Variants in NPEPPS observed in about 807,000 individuals in gnomAD.
NPEPPS encodes aminopeptidase puromycin sensitive, also known as puromycin-sensitive aminopeptidase.
A neutral mutation model predicts 115.5 loss-of-function variants in NPEPPS; 14 were observed. The observed-to-expected ratio is 0.12, with a 90% CI of 0.08 to 0.19. NPEPPS has a LOEUF of 0.19. Among genes scored for constraint, NPEPPS ranks in the 10% least tolerant of loss-of-function variants. The probability of loss-of-function intolerance (pLI) is 1.00; values close to 1 mark genes in which losing one functional copy is unlikely to be tolerated. For synonymous variants in NPEPPS, 285 were observed against 390.6 expected, an observed-to-expected ratio of 0.73 and a Z score of 3.19; for missense variants, 523 against 1,110.8, an observed-to-expected ratio of 0.47 and a Z score of 7.52.
intron 1 of NPEPPS, among the ~76,000 whole-genome samples, chr17:47,534,138 C>CT (rs899009685): frequency 8.3e-4 from 126 of 151,980 alleles, no homozygotes; most frequent in Admixed American, 1.1e-3. Context: ...GTCGCCCAGG[C>CT]TGGAGTGCAG....
chr17:47,586,983 T>C, intron 8 of NPEPPS: 1 of 417,340 alleles, frequency 2.4e-6, no homozygotes, highest in Non-Finnish European at 4.4e-6. Flanking sequence ...TTCCCAAAAT[T>C]TCAGGCAGCT....
intron 4 of NPEPPS, chr17:47,581,247 A>G (rs1597859412): frequency 6.6e-6 from 1 of 152,186 alleles, no homozygotes; most frequent in East Asian, 1.9e-4. Context: ...CGAAAATTAA[A>G]CTGTTTTTTA....
At position 47,601,730 on chromosome 17, in the gene NPEPPS, C is replaced by T. The variant is rs1042924116; in HGVS notation, c.1723C>T (p.Pro575Ser). 2.5e-6 allele frequency: 4 copies of T among 1,613,416 alleles called. No individual in the cohort carries two copies. The highest frequency in any genetic ancestry group is 1.7e-4 in the Middle Eastern group (1 of 6,056). The change falls in exon 15 of 23, where the codon CCA becomes TCA. Residue 575 changes from proline (P) to serine (S), a missense_variant. Around this residue, in one of 4 missense-constraint regions of NPEPPS, gnomAD observed 372 missense variants for 542.6 expected, o/e 0.69. Transcript: ENST00000322157. The stretch of plus-strand genomic sequence containing the variant: ...GAATGTGGTTTTGAAAAATGTCAAA[C>T]CAGACCAATGGGTGAAGGTGAGTTC... ...EMNVVLKNVK[P>S]DQWVKLNLGT...
chr17:47,545,851 T>A, intron 1 of NPEPPS, 58 bp from the exon 2 acceptor site: 1 of 1,471,814 alleles, frequency 6.8e-7, no homozygotes, highest in Non-Finnish European at 9.1e-7. Context: ...CTGGCCAAGT[T>A]GTATATACTA....
chr17:47,607,289 G>A (rs371418029), intron 17 of NPEPPS, among the ~76,000 whole-genome samples: 61 of 152,276 alleles, frequency 4.0e-4, no homozygotes, highest in African/African-American at 1.5e-3. Flanking sequence ...AGGTGATATT[G>A]AGCATAAACT....
chr17:47,622,877 C>G lies in NPEPPS; in HGVS notation c.*957C>G, dbSNP rs1254825136. ...CTCTTGAACCTCTTCACAACAGTAT[C>G]AACACTGGCTTCTCCCGGTTCATTT... On this transcript the variant is annotated 3_prime_UTR_variant, in exon 23 of 23. Coordinates refer to ENST00000322157, the MANE Select transcript of NPEPPS (RefSeq NM_006310.4). The G allele has an allele frequency of 6.6e-6, 3 of 455,918 alleles. No homozygotes were observed. The highest frequency in any genetic ancestry group is 4.6e-5 in the South Asian group (3 of 64,560). The allele number at this position is 455,918 out of a possible 1,614,324, so 28.2% of individuals were successfully genotyped here.
At chr17:47,532,607 C>T (rs1597805044) in intron 1 of NPEPPS, among the ~76,000 whole-genome samples, 2 of 147,242 alleles carry the variant, frequency 1.4e-5, no homozygotes, top group South Asian at 2.2e-4. Flanking sequence ...GTCGAGATCG[C>T]GCCACTGCAT....
intron 1 of NPEPPS, among the ~76,000 whole-genome samples, chr17:47,534,131 G>A (rs1285515260): frequency 3.3e-5 from 5 of 150,986 alleles, no homozygotes; most frequent in South Asian, 2.1e-4. Context: ...TCGCTCTGTC[G>A]CCCAGGCTGG....
In NPEPPS at chr17:47,535,116, G is replaced by C. The variant is rs186702098; in HGVS notation, c.255+3561G>C. Among the ~76,000 whole-genome samples, 452 of 149,812 alleles carry C rather than the reference G, an allele frequency of 3.0e-3. 3 individuals are homozygous for C. Among genetic ancestry groups the C allele is most frequent in the African/African-American group, 0.011 (433 of 40,676 alleles). On this transcript the variant is annotated intron_variant, in intron 1 of 22. Transcript: ENST00000322157. ...AAATTAGCTGGGCGTGGTGGCGGGA[G>C]CCTGTAGTCCCAGCTGCTCAGGAGC...
rs990729668 is a variant in NPEPPS at position 47,613,984 on chromosome 17, T to A, written c.2295+259T>A. 7.9e-5 allele frequency among the ~76,000 whole-genome samples: 12 copies of A among 152,186 alleles called. No homozygotes were observed. The South Asian group carries it at 1.9e-3, about 24-fold the overall frequency. On this transcript the variant is annotated intron_variant, in intron 19 of 22. Transcript: ENST00000322157. ...GCATCTGAAATCTTATTATTATTTT[T>A]TTTTTTTTTGAGACAAGGTCTCACT...
chr17:47,588,663 T>C (rs1263741017), intron 9 of NPEPPS, among the ~76,000 whole-genome samples: 1 of 152,250 alleles, frequency 6.6e-6, no homozygotes, highest in Non-Finnish European at 1.5e-5. Flanking sequence ...GCAGCAAGTT[T>C]GCTACTTTGT....
At position 47,586,476 on chromosome 17, in the gene NPEPPS, G is replaced by C. The variant is rs1912186604; in HGVS notation, c.980+78G>C. 4 of 935,028 alleles carry C rather than the reference G, an allele frequency of 4.3e-6. No homozygotes were observed. The Admixed American group carries it at 7.8e-5, about 18-fold the overall frequency. 57.9% of individuals were successfully genotyped at this position (935,028 alleles called of 1,614,324 possible). A position where few individuals can be genotyped will look rare whatever the true frequency, so the allele number is the denominator to read the frequency against. On this transcript the variant is annotated intron_variant, in intron 8 of 22. Coordinates refer to ENST00000322157, the MANE Select transcript of NPEPPS (RefSeq NM_006310.4). ...AAGGGCTTCCCTCCTAATCACAGTT[G>C]AGTAGCTTCTGCTTTACGATATGGT...
At chr17:47,562,863 A>C (rs147630920) in intron 2 of NPEPPS, among the ~76,000 whole-genome samples, 1 of 150,732 alleles carries the variant, frequency 6.6e-6, no homozygotes, top group Non-Finnish European at 1.5e-5. Context: ...ATATTTGTCC[A>C]TTTTTAATTG....
upstream of NPEPPS, chr17:47,530,986 AC>A (rs1338730607): frequency 2.0e-5 from 3 of 150,638 alleles, no homozygotes; most frequent in African/African-American, 7.5e-5. Context: ...GAGCAACCCG[AC>A]GCCCTCCCGC....
Position 47,578,984 on chromosome 17 carries a change from C to G in NPEPPS, c.419-406C>G, listed in dbSNP as rs550498009. On this transcript the variant is annotated intron_variant, in intron 3 of 22. Coordinates refer to ENST00000322157, the MANE Select transcript of NPEPPS (RefSeq NM_006310.4). ...TGGACAAGTTATTTAGCTTCTCAGC[C>G]TCAGTTTCCTCATCTGAAAAAATGA... is the stretch of plus-strand genomic sequence containing the variant. Among the ~76,000 whole-genome samples the G allele has an allele frequency of 3.3e-5, 5 of 152,288 alleles. No individual in the cohort carries two copies. In the East Asian group the frequency reaches 9.6e-4, roughly 29 times the overall value.
intron 2 of NPEPPS, among the ~76,000 whole-genome samples, chr17:47,558,380 C>T (rs1204410094): frequency 6.9e-6 from 1 of 144,232 alleles, no homozygotes; most frequent in Admixed American, 7.0e-5. Context: ...CCACGTGCCT[C>T]AGCCTCCAAA....
rs956406741 is a variant in NPEPPS at position 47,531,612 on chromosome 17, C to T, written c.255+57C>T. ...GCGGGGCGAGCAGTTAGGCCGCGCC[C>T]GCGGGCTGGACTCAGGGCCCGGCCG... On this transcript the variant is annotated intron_variant, in intron 1 of 22. Coordinates refer to ENST00000322157, the MANE Select transcript of NPEPPS (RefSeq NM_006310.4). The T allele has an allele frequency of 9.9e-5, 151 of 1,526,086 alleles. 1 individual carries two copies. The highest frequency in any genetic ancestry group is 3.3e-4 in the Admixed American group (16 of 48,772). The allele number at this position is 1,526,086 out of a possible 1,614,324, so 94.5% of individuals were successfully genotyped here.
intron 1 of NPEPPS, among the ~76,000 whole-genome samples, chr17:47,545,646 T>C (rs1261488606): frequency 1.3e-5 from 2 of 152,076 alleles, no homozygotes; most frequent in Non-Finnish European, 2.9e-5. Flanking sequence ...CCTCCTGGGC[T>C]CAAGCAGTCC....
intron 1 of NPEPPS, among the ~76,000 whole-genome samples, chr17:47,532,658 CAAA>C (rs898672269): frequency 1.9e-5 from 1 of 51,430 alleles, no homozygotes; most frequent in Non-Finnish European, 3.8e-5. Context: ...GACTCCGTCT[CAAA>C]AAAAAAAAAA....
Sources: gnomAD v4.1 joint callset for allele counts (sites outside exome capture counted in the v4.1 genomes callset) on GRCh38, gnomAD v4.1.1 for gene constraint, gnomAD v4.1.1 regional missense constraint, MANE v1.5 for transcripts, NCBI Gene and HGNC (gene_info 2026-07-23, HGNC 2026-07-21) for gene names.